Variants in LARGE1 observed in about 807,000 individuals in gnomAD.
LARGE1 encodes the protein xylosyl- and glucuronyltransferase LARGE1.
Under a neutral mutation model 87.6 loss-of-function variants are expected in LARGE1, and 43 were observed. The ratio of observed to expected loss-of-function variants is 0.49; its 90% CI spans 0.38 to 0.63. LARGE1 has a LOEUF of 0.63. Ranked by LOEUF, LARGE1 falls within the 30% of genes least tolerant of loss-of-function variation. The probability of loss-of-function intolerance (pLI) is 0.00; values close to 1 mark genes in which losing one functional copy is unlikely to be tolerated. For missense variants in LARGE1, 802 were observed against 1,000.2 expected, an observed-to-expected ratio of 0.80 and a Z score of 2.67; for synonymous variants, 434 against 394.6, an observed-to-expected ratio of 1.10 and a Z score of -1.18.
At chr22:33,827,583 C>A (rs1353767190) in intron 1 of LARGE1, among the ~76,000 whole-genome samples, 1 of 152,210 alleles carries the variant, frequency 6.6e-6, no homozygotes, top group Non-Finnish European at 1.5e-5. Flanking sequence ...CACTCCTGGA[C>A]AATACGAACT....
At chr22:33,759,306 C>A (rs969763667) in intron 2 of LARGE1, among the ~76,000 whole-genome samples, 1 of 152,192 alleles carries the variant, frequency 6.6e-6, no homozygotes, top group African/African-American at 2.4e-5. Context: ...GATTGTGTGA[C>A]ACCCTGTCAA....
intron 4 of LARGE1, among the ~76,000 whole-genome samples, chr22:33,617,769 C>T (rs555865692): frequency 2.6e-5 from 4 of 152,178 alleles, no homozygotes; most frequent in African/African-American, 9.7e-5. Flanking sequence ...AAGAAGGAAG[C>T]AAGTATGTGC....
intron 4 of LARGE1, among the ~76,000 whole-genome samples, chr22:33,605,690 C>T (rs975848640): frequency 1.3e-5 from 2 of 152,106 alleles, no homozygotes; most frequent in Admixed American, 1.3e-4. Context: ...TGACATAAAG[C>T]GTAATGCCAT....
intron 7 of LARGE1, among the ~76,000 whole-genome samples, chr22:33,423,508 C>G (rs1446130828): frequency 6.6e-6 from 1 of 151,086 alleles, no homozygotes; most frequent in Non-Finnish European, 1.5e-5. Context: ...GAAACCCCGT[C>G]TCTATTAAAA....
At chr22:33,429,685 G>A (rs555804401) in intron 7 of LARGE1, among the ~76,000 whole-genome samples, 43 of 152,260 alleles carry the variant, frequency 2.8e-4, no homozygotes, top group African/African-American at 6.0e-4. Flanking sequence ...AGACAGAAAC[G>A]AAATGTATAC....
chr22:33,672,923 A>C (rs1299134018), intron 2 of LARGE1, among the ~76,000 whole-genome samples: 1 of 152,156 alleles, frequency 6.6e-6, no homozygotes, highest in African/African-American at 2.4e-5. Context: ...CGATTGCCCA[A>C]ATAATTATTT....
At chr22:33,503,570 G>T (rs1376817590) in intron 6 of LARGE1, among the ~76,000 whole-genome samples, 1 of 152,092 alleles carries the variant, frequency 6.6e-6, no homozygotes, top group Non-Finnish European at 1.5e-5. Context: ...GGAGGCCGAG[G>T]CGGGTGGATC....
At chr22:33,159,572 A>G (rs5754476), downstream of LARGE1, among the ~76,000 whole-genome samples, 69,431 of 151,028 alleles carry the variant, frequency 0.46, 16,110 homozygotes, top group South Asian at 0.69. Flanking sequence ...TTGGTACCTA[A>G]ATCAATTTAA....
rs534941373 is a variant in LARGE1 at position 33,516,658 on chromosome 22, C to T, written c.787+48190G>A. Among the ~76,000 whole-genome samples the T allele has an allele frequency of 9.6e-3, 242 of 25,124 alleles. 1 individual carries two copies. Among genetic ancestry groups the T allele is most frequent in the East Asian group, 0.056 (51 of 914 alleles). The allele number at this position is 25,124 out of a possible 152,430, so 16.5% of individuals were successfully genotyped here. ...GGCTGGAGTGCAGTGGTGCCATCTC[C>T]GCTCACTGCAAACTTCCGCCTTCCG... On this transcript the variant is annotated intron_variant, in intron 6 of 14. Transcript: ENST00000397394.
chr22:33,449,029 CT>C (rs1282568722), intron 6 of LARGE1, among the ~76,000 whole-genome samples: 2 of 152,100 alleles, frequency 1.3e-5, no homozygotes, highest in African/African-American at 4.8e-5. Context: ...TGTTTGACTT[CT>C]TGTACTTGGC....
chr22:33,429,806 G>A (rs2067014197), intron 7 of LARGE1, among the ~76,000 whole-genome samples: 1 of 152,126 alleles, frequency 6.6e-6, no homozygotes, highest in Admixed American at 6.5e-5. Flanking sequence ...AGATCAACAC[G>A]GGGTGACTAG....
At chr22:33,528,550 G>A (rs534113054) in intron 6 of LARGE1, among the ~76,000 whole-genome samples, 1 of 152,216 alleles carries the variant, frequency 6.6e-6, no homozygotes, top group Admixed American at 6.5e-5. Context: ...GTGAAGCAAA[G>A]GACACAAAAA....
chr22:33,862,625 A>T (rs926875829), intron 1 of LARGE1, among the ~76,000 whole-genome samples: 1 of 152,184 alleles, frequency 6.6e-6, no homozygotes, highest in African/African-American at 2.4e-5. Context: ...CCTGGGTCCC[A>T]AGAGAAACAG....
chr22:33,314,192 T>G (rs1394563793), intron 11 of LARGE1, among the ~76,000 whole-genome samples: 1 of 152,034 alleles, frequency 6.6e-6, no homozygotes, highest in Non-Finnish European at 1.5e-5. Context: ...TGCTCTTTTG[T>G]CCCATGCTGT....
intron 1 of LARGE1, among the ~76,000 whole-genome samples, chr22:33,778,799 T>C (rs1201299308): frequency 6.6e-6 from 1 of 152,128 alleles, no homozygotes; most frequent in Non-Finnish European, 1.5e-5. Context: ...TACAGGCGCC[T>C]GCCACCATAC....
intron 2 of LARGE1, among the ~76,000 whole-genome samples, chr22:33,704,420 C>A (rs186079435): frequency 2.0e-5 from 3 of 152,184 alleles, no homozygotes; most frequent in Non-Finnish European, 4.4e-5. Flanking sequence ...ACTCCAGGAA[C>A]GGGACAGGCA....
intron 1 of LARGE1, among the ~76,000 whole-genome samples, chr22:33,787,851 C>T (rs146438806): frequency 2.0e-5 from 3 of 152,324 alleles, no homozygotes; most frequent in East Asian, 3.9e-4. Flanking sequence ...CAGACTTGAA[C>T]ATGGTTTAGT....
At chr22:33,459,128 C>T (rs778586860) in intron 6 of LARGE1, among the ~76,000 whole-genome samples, 12 of 152,058 alleles carry the variant, frequency 7.9e-5, no homozygotes, top group Non-Finnish European at 1.3e-4. Context: ...CTCCCATCAC[C>T]CCTCGGCCCC....
the LARGE1 span, among the ~76,000 whole-genome samples, chr22:33,112,460 G>A: frequency 6.6e-6 from 1 of 152,208 alleles, no homozygotes; most frequent in African/African-American, 2.4e-5. Context: ...TGGCAAGATG[G>A]AAGCGACTAT....
Sources: allele counts gnomAD v4.1 joint callset (sites outside exome capture counted in the v4.1 genomes callset), GRCh38; gene constraint gnomAD v4.1.1; transcripts MANE v1.5; gene names NCBI Gene and HGNC (gene_info 2026-07-23, HGNC 2026-07-21).